RHOH: variants seen among roughly 807,000 people sequenced by gnomAD.
RHOH encodes the protein rho-related GTP-binding protein RhoH.
A neutral mutation model predicts 13.8 loss-of-function variants in RHOH; 6 were observed. The observed-to-expected ratio is 0.44, with a 90% confidence interval of 0.24 to 0.86. RHOH has a LOEUF of 0.86. RHOH is among the 40% of genes least tolerant of loss of function. RHOH has a pLI of 0.24. For synonymous variants in RHOH, 117 were observed against 103.0 expected (o/e 1.14, Z -0.82); for missense variants, 147 against 244.5 (o/e 0.60, Z 2.66).
chr4:40,204,588 C>T (rs1724417404), intron 1 of RHOH, among the ~76,000 whole-genome samples: 1 of 152,106 alleles, frequency 6.6e-6, no homozygotes, highest in African/African-American at 2.4e-5. Flanking sequence ...CCTCTAAAAC[C>T]CATTCATGGA....
chr4:40,193,985 G>A (rs76643591), upstream of RHOH, among the ~76,000 whole-genome samples: 8 of 152,304 alleles, frequency 5.3e-5, no homozygotes, highest in East Asian at 1.5e-3. Flanking sequence ...AAAGGGCAGA[G>A]CCTCATCTCC....
intron 1 of RHOH, among the ~76,000 whole-genome samples, chr4:40,216,493 A>G (rs550837477): frequency 6.6e-6 from 1 of 152,152 alleles, no homozygotes; most frequent in Admixed American, 6.5e-5. Flanking sequence ...AACAAAAAAT[A>G]AAAACATAAG....
At chr4:40,217,030 T>C (rs1254593454) in intron 1 of RHOH, among the ~76,000 whole-genome samples, 1 of 152,184 alleles carries the variant, frequency 6.6e-6, no homozygotes, top group Non-Finnish European at 1.5e-5. Context: ...GCAGGATGGG[T>C]TGGACACAGT....
upstream of RHOH, among the ~76,000 whole-genome samples, chr4:40,195,025 G>A (rs947938242): frequency 1.3e-5 from 2 of 152,170 alleles, no homozygotes; most frequent in African/African-American, 4.8e-5. Flanking sequence ...CGGGCAATGA[G>A]CTTTCTGTGT....
At chr4:40,203,997 G>A (rs1286456578) in intron 1 of RHOH, among the ~76,000 whole-genome samples, 1 of 152,134 alleles carries the variant, frequency 6.6e-6, no homozygotes, top group Non-Finnish European at 1.5e-5. Context: ...TATATTTTTT[G>A]ATGAAATGTA....
intron 1 of RHOH, among the ~76,000 whole-genome samples, chr4:40,219,792 T>C (rs1878891): frequency 0.42 from 63,527 of 152,022 alleles, 16,149 homozygotes; most frequent in Non-Finnish European, 0.57. Flanking sequence ...AGCAGCAGGA[T>C]TGAAGCTGTC....
In RHOH at chr4:40,208,053, T is replaced by C. The variant is rs527829969; in HGVS notation, c.-331+10753T>C. Among the ~76,000 whole-genome samples, 9 of 152,272 alleles carry C rather than the reference T, an allele frequency of 5.9e-5. No homozygotes were observed. The South Asian group carries it at 1.9e-3, about 32-fold the overall frequency. On this transcript the variant is annotated intron_variant, in intron 1 of 2. Transcript: ENST00000381799. Reference sequence around the variant, plus strand: ...AAATCACCAGCGTTTTCAGCCTACGTTTATATCTACTTTTTTTTGGACCTG... The same window carrying C: ...AAATCACCAGCGTTTTCAGCCTACGCTTATATCTACTTTTTTTTGGACCTG...
chr4:40,207,518 G>A (rs534398762), intron 1 of RHOH, among the ~76,000 whole-genome samples: 1 of 152,166 alleles, frequency 6.6e-6, no homozygotes, highest in East Asian at 1.9e-4. Context: ...GTAAAACGTC[G>A]GTCCAGAGTT....
chr4:40,244,160 G>A lies in RHOH; in HGVS notation c.*198G>A. On this transcript the variant is annotated 3_prime_UTR_variant, in exon 3 of 3. Transcript: ENST00000381799. ...ACTCTACAAGTGAACTCCTTGCCCA[G>A]GCCAGTTAGAAAATCCCTTGGGGAA... is the stretch of plus-strand genomic sequence containing the variant. The A allele has an allele frequency of 2.2e-6, 1 of 459,778 alleles. No homozygotes were observed. 28.5% of individuals were successfully genotyped at this position (459,778 alleles called of 1,614,324 possible).
At chr4:40,214,641 T>C (rs996575755) in intron 1 of RHOH, among the ~76,000 whole-genome samples, 2 of 152,198 alleles carry the variant, frequency 1.3e-5, no homozygotes, top group Admixed American at 6.5e-5. Context: ...AATCAGAAAG[T>C]TGGGAGTTAG....
chr4:40,213,450 A>G (rs139472268), intron 1 of RHOH, among the ~76,000 whole-genome samples: 109 of 151,646 alleles, frequency 7.2e-4, no homozygotes, highest in African/African-American at 2.4e-3. Flanking sequence ...AACACGGAAG[A>G]GTCTTCTGGG....
chr4:40,195,380 T>C (rs997960317), upstream of RHOH, among the ~76,000 whole-genome samples: 4 of 135,442 alleles, frequency 3.0e-5, no homozygotes, highest in Admixed American at 7.4e-5. Flanking sequence ...CTTCCTTCCT[T>C]CCTTCCTTCC....
intron 1 of RHOH, among the ~76,000 whole-genome samples, chr4:40,216,443 T>C (rs1222822768): frequency 1.3e-5 from 2 of 151,998 alleles, no homozygotes; most frequent in African/African-American, 4.8e-5. Context: ...CACTCCAGCC[T>C]GGGCGACACA....
chr4:40,218,992 T>G lies in RHOH; in HGVS notation c.-331+21692T>G, dbSNP rs1726209330. Among the ~76,000 whole-genome samples the G allele has an allele frequency of 2.6e-5, 4 of 152,210 alleles. No individual in the cohort carries two copies. The South Asian group carries it at 8.3e-4, about 32-fold the overall frequency. On this transcript the variant is annotated intron_variant, in intron 1 of 2. Transcript: ENST00000381799. This position sits in a 1 kb window ranked among gnomAD's most constrained non-coding sequence, Gnocchi z 4.1. ...CATAATGGAAGGAATTGTTTAGTCCTGTACTAAAGGAATTTAGAAAGAGTT... is the reference window on the plus strand; with the variant it reads ...CATAATGGAAGGAATTGTTTAGTCCGGTACTAAAGGAATTTAGAAAGAGTT...
chr4:40,228,232 G>A (rs1727476843), intron 1 of RHOH, among the ~76,000 whole-genome samples: 1 of 151,578 alleles, frequency 6.6e-6, no homozygotes, highest in Admixed American at 6.6e-5. Context: ...TATAAAGTAT[G>A]GTATTCTTAG....
chr4:40,191,587 A>G (rs940345012), upstream of RHOH, among the ~76,000 whole-genome samples: 1 of 152,206 alleles, frequency 6.6e-6, no homozygotes, highest in African/African-American at 2.4e-5. Context: ...GTTGTATCAT[A>G]ACTTTAGAGC....
At chr4:40,234,744 CTTTTT>C (rs549802852) in intron 1 of RHOH, among the ~76,000 whole-genome samples, 270 of 101,092 alleles carry the variant, frequency 2.7e-3, no homozygotes, top group South Asian at 3.3e-3. Context: ...AAATCAGCAT[CTTTTT>C]TTTTTTTTTT....
chr4:40,211,376 G>C (rs1018690156), intron 1 of RHOH, among the ~76,000 whole-genome samples: 2 of 151,920 alleles, frequency 1.3e-5, no homozygotes, highest in Non-Finnish European at 2.9e-5. Context: ...AGAGATTCTT[G>C]TGCCTCAGCC....
intron 1 of RHOH, among the ~76,000 whole-genome samples, chr4:40,226,968 G>A (rs1415960722): frequency 6.6e-6 from 1 of 152,146 alleles, no homozygotes; most frequent in African/African-American, 2.4e-5. Context: ...AGACCAGCCT[G>A]GCCAACATGG....
Sources: gnomAD v4.1 joint callset for allele counts (sites outside exome capture counted in the v4.1 genomes callset) on GRCh38, gnomAD v4.1.1 for gene constraint, Gnocchi (gnomAD v3.1) non-coding constraint, MANE v1.5 for transcripts, NCBI Gene and HGNC (gene_info 2026-07-23, HGNC 2026-07-21) for gene names.